Variants in KPNA6 observed in about 807,000 individuals in gnomAD.
The protein encoded by KPNA6 is importin subunit alpha-7.
Under a neutral mutation model 72.0 loss-of-function variants are expected in KPNA6, and 9 were observed. The observed-to-expected ratio is 0.13, with a 90% CI of 0.08 to 0.22. The LOEUF (loss-of-function observed/expected upper bound fraction) is 0.22, where lower values mean the gene tolerates loss of function less well. KPNA6 is among the 10% of genes least tolerant of loss of function. The pLI is 1.00. For missense variants in KPNA6, 374 were observed against 655.7 expected, an observed-to-expected ratio of 0.57 and a Z score of 4.69; for synonymous variants, 219 against 242.1, an observed-to-expected ratio of 0.90 and a Z score of 0.89.
intron 10 of KPNA6, among the ~76,000 whole-genome samples, 176 bp from the exon 11 acceptor site, chr1:32,165,929 C>T (rs1169166478): frequency 6.7e-5 from 10 of 148,778 alleles, no homozygotes; most frequent in Non-Finnish European, 1.3e-4. Flanking sequence ...ACCTGGGAGG[C>T]GGAGGTTGCA....
intron 1 of KPNA6, among the ~76,000 whole-genome samples, chr1:32,133,385 A>G (rs904936418): frequency 8.6e-5 from 13 of 151,942 alleles, no homozygotes; most frequent in African/African-American, 3.1e-4. Flanking sequence ...GTAGGATAAC[A>G]AAGTGCTGAA....
chr1:32,145,738 A>G (rs1486457839), intron 1 of KPNA6, among the ~76,000 whole-genome samples: 1 of 151,084 alleles, frequency 6.6e-6, no homozygotes, highest in Non-Finnish European at 1.5e-5. Flanking sequence ...CTGGCCGTAG[A>G]TGTAAGGGTT....
chr1:32,112,789 C>T (rs2124519222), intron 1 of KPNA6, among the ~76,000 whole-genome samples: 1 of 152,256 alleles, frequency 6.6e-6, no homozygotes, highest in Admixed American at 6.5e-5. Flanking sequence ...GCCACCATGC[C>T]CAGCCAAAAG....
At chr1:32,165,653 G>A (rs1642318777) in intron 10 of KPNA6, among the ~76,000 whole-genome samples, 1 of 152,046 alleles carries the variant, frequency 6.6e-6, no homozygotes, top group African/African-American at 2.4e-5. Flanking sequence ...AGTAAGCCAT[G>A]ATCATGCCAC....
At chr1:32,129,125 T>C (rs913750983) in intron 1 of KPNA6, among the ~76,000 whole-genome samples, 7 of 150,940 alleles carry the variant, frequency 4.6e-5, no homozygotes, top group African/African-American at 9.7e-5. Context: ...CCTCTCTCTC[T>C]CTCCCTCCCT....
At chr1:32,116,350 T>C (rs1357243101) in intron 1 of KPNA6, among the ~76,000 whole-genome samples, 1 of 151,846 alleles carries the variant, frequency 6.6e-6, no homozygotes, top group Non-Finnish European at 1.5e-5. Flanking sequence ...GGACTAGTAC[T>C]TTTCATTTCC....
intron 1 of KPNA6, among the ~76,000 whole-genome samples, chr1:32,139,898 T>C (rs1313496775): frequency 2.0e-5 from 3 of 152,228 alleles, no homozygotes; most frequent in African/African-American, 7.2e-5. Context: ...TTTACTGTTT[T>C]GTCTACTTTT....
chr1:32,171,036 C>T lies in KPNA6; in HGVS notation c.*142C>T. 1.4e-6 allele frequency: 1 copy of T among 694,942 alleles called. No homozygotes were observed. Among genetic ancestry groups the T allele is most frequent in the Non-Finnish European group, 2.4e-6 (1 of 415,556 alleles). The allele number at this position is 694,942 out of a possible 1,614,324, so 43.0% of individuals were successfully genotyped here. A position where few individuals can be genotyped will look rare whatever the true frequency, so the allele number is the denominator to read the frequency against. On this transcript the variant is annotated 3_prime_UTR_variant, in exon 14 of 14. Coordinates refer to ENST00000373625, the MANE Select transcript of KPNA6 (RefSeq NM_012316.5). ...CTGGAGACTGTGCTCTTGACCTGCT[C>T]CGCCCCCTTCCCTGGAGGGAGCACC...
chr1:32,114,743 A>G (rs949598518), intron 1 of KPNA6, among the ~76,000 whole-genome samples: 8 of 152,226 alleles, frequency 5.3e-5, no homozygotes, highest in Non-Finnish European at 8.8e-5. Flanking sequence ...TGTTTCTTCT[A>G]CATTGAAAAT....
At chr1:32,128,122 C>G (rs192513790) in intron 1 of KPNA6, among the ~76,000 whole-genome samples, 3 of 151,736 alleles carry the variant, frequency 2.0e-5, no homozygotes, top group African/African-American at 4.8e-5. Flanking sequence ...GTGAAGTGTT[C>G]CTAGAAAGGT....
chr1:32,170,056 C>G lies in KPNA6; in HGVS notation c.1419C>G (p.Ala473=). 1.2e-6 allele frequency: 2 copies of G among 1,613,676 alleles called. No homozygotes were observed. Among genetic ancestry groups the G allele is most frequent in the Non-Finnish European group, 1.7e-6 (2 of 1,179,646 alleles). The change falls in exon 13 of 14, where the codon GCC becomes GCG. Residue 473 remains alanine, a synonymous_variant. Coordinates refer to ENST00000373625, the MANE Select transcript of KPNA6 (RefSeq NM_012316.5). ...CTTATTGTGGCCTCATAGAGGAAGC[C>G]TATGGTATGTGCCCTCTCCTCAATC... The part of the protein sequence containing the change: ...VNPYCGLIEE[A]YGLDKIEFLQ...
intron 1 of KPNA6, among the ~76,000 whole-genome samples, chr1:32,149,929 AC>A (rs1187379899): frequency 7.2e-5 from 11 of 151,902 alleles, no homozygotes; most frequent in African/African-American, 2.7e-4. Context: ...TTTCTGACTT[AC>A]GGTTTCTGAC....
chr1:32,150,471 C>T (rs1394236195), intron 1 of KPNA6, among the ~76,000 whole-genome samples: 1 of 151,804 alleles, frequency 6.6e-6, no homozygotes, highest in African/African-American at 2.4e-5. Flanking sequence ...TTCTGTCTGC[C>T]TCTCAATTTT....
chr1:32,159,209 G>A (rs1015899163), intron 5 of KPNA6, among the ~76,000 whole-genome samples, 191 bp from the exon 6 acceptor site: 1 of 152,172 alleles, frequency 6.6e-6, no homozygotes, highest in African/African-American at 2.4e-5. Flanking sequence ...CTCTAAAGAC[G>A]GGAGGGGAAA....
rs894047773 is a variant in KPNA6, at chr1:32,174,595, C to T, written c.*3701C>T. ...GCCTCTCTTCTCCCCTAGACTCACT[C>T]AGCTTGGTATCCATCATCTTGAGCA... On this transcript the variant is annotated 3_prime_UTR_variant, in exon 14 of 14. Coordinates refer to ENST00000373625, the MANE Select transcript of KPNA6 (RefSeq NM_012316.5). 6.6e-6 allele frequency: 1 copy of T among 152,242 alleles called. No individual in the cohort carries two copies. The highest frequency in any genetic ancestry group is 2.4e-5 in the African/African-American group (1 of 41,448). 9.4% of individuals were successfully genotyped at this position (152,242 alleles called of 1,614,324 possible).
intron 1 of KPNA6, among the ~76,000 whole-genome samples, chr1:32,119,576 A>AT (rs2124524899): frequency 6.6e-6 from 1 of 152,288 alleles, no homozygotes; most frequent in East Asian, 1.9e-4. Context: ...ATTCTAGTGA[A>AT]TAATTTTATG....
Position 32,141,289 on chromosome 1 carries a change from G to A in KPNA6, c.5-13299G>A, listed in dbSNP as rs1641831069. Among the ~76,000 whole-genome samples the A allele has an allele frequency of 2.0e-5, 3 of 149,562 alleles. No homozygotes were observed. In the South Asian group the frequency reaches 6.3e-4, roughly 32 times the overall value. On this transcript the variant is annotated intron_variant, in intron 1 of 13. Transcript: ENST00000373625. ...ACCAGTGATTAAATGGAGCACTATGGCAATCTTGCTACTCACTAATGTGTG... is the reference window on the plus strand; with the variant it reads ...ACCAGTGATTAAATGGAGCACTATGACAATCTTGCTACTCACTAATGTGTG...
At chr1:32,140,263 A>T (rs1417903235) in intron 1 of KPNA6, among the ~76,000 whole-genome samples, 1 of 152,122 alleles carries the variant, frequency 6.6e-6, no homozygotes, top group Non-Finnish European at 1.5e-5. Context: ...GTGAACCTGT[A>T]ATCCCAGCTA....
intron 1 of KPNA6, among the ~76,000 whole-genome samples, chr1:32,115,110 G>A (rs1641307423): frequency 6.6e-6 from 1 of 151,970 alleles, no homozygotes; most frequent in African/African-American, 2.4e-5. Context: ...AAAGTGCTGG[G>A]ATTATAGGCA....
Sources: allele counts gnomAD v4.1 joint callset (sites outside exome capture counted in the v4.1 genomes callset), GRCh38; gene constraint gnomAD v4.1.1; transcripts MANE v1.5; gene names NCBI Gene and HGNC (gene_info 2026-07-23, HGNC 2026-07-21).